Variants in TTC21A observed in about 807,000 individuals in gnomAD.
TTC21A encodes tetratricopeptide repeat domain 21A.
Under a neutral mutation model 156.4 loss-of-function variants are expected in TTC21A, and 128 were observed. That is an observed-to-expected ratio of 0.82 (90% CI 0.71 to 0.95). The LOEUF (loss-of-function observed/expected upper bound fraction) is 0.95. TTC21A is among the 40% of genes least tolerant of loss of function. TTC21A has a pLI of 0.00. For synonymous variants in TTC21A, 587 were observed against 617.1 expected (o/e 0.95, Z 0.72); for missense variants, 1,435 against 1,602.3 (o/e 0.90, Z 1.78).
In TTC21A at chr3:39,137,454, G is replaced by A. The variant is rs370252643; in HGVS notation, c.3451-32G>A. The A allele has an allele frequency of 1.3e-4, 215 of 1,612,408 alleles. 1 individual carries two copies. In the South Asian group the frequency reaches 1.8e-3, roughly 14 times the overall value. On this transcript the variant is annotated intron_variant, in intron 25 of 28. Coordinates refer to ENST00000683103, the MANE Select transcript of TTC21A (RefSeq NM_001366900.1). Reference sequence around the variant, plus strand: ...GCCGAGAAGACCAGGCGGCCAACACGTGCTGACGTCCACTTCCTACCTGGT... The same window carrying A: ...GCCGAGAAGACCAGGCGGCCAACACATGCTGACGTCCACTTCCTACCTGGT...
chr3:39,136,648 G>T (rs1011701545), intron 23 of TTC21A, 141 bp downstream of exon 23: 1 of 1,161,720 alleles, frequency 8.6e-7, no homozygotes, highest in Non-Finnish European at 1.2e-6. Flanking sequence ...GCCCATGGGG[G>T]CAGGGGTGGA....
chr3:39,121,813 G>A (rs1189414278), intron 9 of TTC21A, among the ~76,000 whole-genome samples: 1 of 152,154 alleles, frequency 6.6e-6, no homozygotes, highest in East Asian at 1.9e-4. Flanking sequence ...GCTCAAGGCA[G>A]GCCGACTCTT....
chr3:39,123,616 G>A (rs1479175787), intron 9 of TTC21A, among the ~76,000 whole-genome samples: 1 of 152,064 alleles, frequency 6.6e-6, no homozygotes, highest in African/African-American at 2.4e-5. Flanking sequence ...GGGTTTCCCT[G>A]GGGATTCTAA....
rs562348984 is a variant in TTC21A, at chr3:39,126,250, T to C, written c.1393-11T>C. ...AAACCTACTCCCACCTCCACCGCCGTGTTCCCACAGCCCAGGTTACCAGGC... is the reference window on the plus strand; with the variant it reads ...AAACCTACTCCCACCTCCACCGCCGCGTTCCCACAGCCCAGGTTACCAGGC... On this transcript the variant is annotated splice_polypyrimidine_tract_variant and intron_variant, in intron 11 of 28. Transcript: ENST00000683103. 5.6e-6 allele frequency: 9 copies of C among 1,614,064 alleles called. No homozygotes were observed. In the East Asian group the frequency reaches 1.3e-4, roughly 24 times the overall value.
chr3:39,118,352 C>T, intron 7 of TTC21A, 199 bp downstream of exon 7: 2 of 604,978 alleles, frequency 3.3e-6, no homozygotes, highest in South Asian at 2.0e-5. Flanking sequence ...GGGAGTCAGG[C>T]AGCATCAGGC....
At position 39,134,092 on chromosome 3, in the gene TTC21A, A is replaced by C; in HGVS notation, c.2752-126A>C. 1 of 713,692 alleles carries C rather than the reference A, an allele frequency of 1.4e-6. No individual in the cohort carries two copies. 44.2% of individuals were successfully genotyped at this position (713,692 alleles called of 1,614,324 possible). ...GAAGGCCAGGACGTTCACGTGGGGA[A>C]TTCGAGACATATTTTGAAGGCAGAG... On this transcript the variant is annotated intron_variant, in intron 20 of 28. Transcript: ENST00000683103. This position sits in a 1 kb window ranked among gnomAD's most constrained non-coding sequence, Gnocchi z 4.6.
At chr3:39,133,688 T>C (rs747929622) in intron 20 of TTC21A, among the ~76,000 whole-genome samples, 26 of 152,194 alleles carry the variant, frequency 1.7e-4, no homozygotes, top group Non-Finnish European at 2.6e-4. Flanking sequence ...ACACAGTAGA[T>C]GAAGAGCTTA....
In TTC21A at chr3:39,129,208, A is replaced by C. The variant is rs1201848483; in HGVS notation, c.2033A>C (p.Asn678Thr). ...GACGTGGCGCTGAACATGCTAAGGA[A>C]CATCTTGCCCAAGCAGTCCTGCTAT... ...NVDVALNMLR[N>T]ILPKQSCYME... Residue 678 changes from asparagine to threonine, a missense_variant, in exon 15 of 29, where the codon AAC (asparagine) becomes ACC (threonine). By Grantham distance (65) the Asn-to-Thr change is moderately conservative. Coordinates refer to ENST00000683103, the MANE Select transcript of TTC21A (RefSeq NM_001366900.1). 15 of 1,614,082 alleles carry C rather than the reference A, an allele frequency of 9.3e-6. No individual in the cohort carries two copies. In the African/African-American group the frequency reaches 1.6e-4, roughly 17 times the overall value.
chr3:39,124,574 G>A (rs1440582033), intron 9 of TTC21A, among the ~76,000 whole-genome samples: 6 of 151,240 alleles, frequency 4.0e-5, no homozygotes, highest in Non-Finnish European at 5.9e-5. Context: ...CAGGAGAATT[G>A]CTTGAACCTG....
chr3:39,121,233 C>G, intron 9 of TTC21A, 44 bp downstream of exon 9: 2 of 1,556,608 alleles, frequency 1.3e-6, no homozygotes, highest in Non-Finnish European at 1.7e-6. Flanking sequence ...TGTCGGGAGC[C>G]AAACCGGGCA....
In TTC21A at chr3:39,133,116, C is replaced by T. The variant is rs1347049313; in HGVS notation, c.2627C>T (p.Ser876Phe). The T allele has an allele frequency of 1.9e-6, 3 of 1,614,226 alleles. No individual in the cohort carries two copies. Among genetic ancestry groups the T allele is most frequent in the Non-Finnish European group, 2.5e-6 (3 of 1,180,040 alleles). Residue 876 changes from serine (S) to phenylalanine (F), a missense_variant, in exon 20 of 29, where the codon TCC becomes TTC. Physicochemically the swap from Ser to Phe is radical, Grantham distance 155. Transcript: ENST00000683103. ...VPLEQPEMIPSQKQLAASICI... is the reference protein window; with the variant it reads ...VPLEQPEMIPFQKQLAASICI... ...CTGGAGCAACCAGAAATGATTCCCT[C>T]CCAGAAGCAACTGGCAGCCTCTATC...
intron 26 of TTC21A, 98 bp downstream of exon 26, chr3:39,137,808 A>C: frequency 1.5e-6 from 2 of 1,295,352 alleles, no homozygotes; most frequent in Non-Finnish European, 2.1e-6. Flanking sequence ...GGCCATATGG[A>C]ATAAGAACTA....
At chr3:39,121,238 C>T (rs533681271) in intron 9 of TTC21A, 49 bp downstream of exon 9, 30 of 1,543,068 alleles carry the variant, frequency 1.9e-5, no homozygotes, top group East Asian at 6.8e-5. Context: ...GGAGCCAAAC[C>T]GGGCAGCTTC....
chr3:39,114,504 G>A lies in TTC21A; in HGVS notation c.559-81G>A. ...CAGGTTCTGTTCCTGTTTTCATGGA[G>A]ACACAGAGACAACCCCCCTCCAGCA... On this transcript the variant is annotated intron_variant, in intron 5 of 28. Transcript: ENST00000683103. 3 of 1,402,530 alleles carry A rather than the reference G, an allele frequency of 2.1e-6. No homozygotes were observed. In the South Asian group the frequency reaches 3.6e-5, roughly 17 times the overall value. The allele number at this position is 1,402,530 out of a possible 1,614,324, so 86.9% of individuals were successfully genotyped here.
At chr3:39,114,775 G>A (rs1212435151) in intron 6 of TTC21A, 33 bp downstream of exon 6, 1 of 1,612,806 alleles carries the variant, frequency 6.2e-7, no homozygotes, top group Admixed American at 1.7e-5. Context: ...AGCCAAGGGT[G>A]GTAACAGGTA....
rs35934336 is a variant in TTC21A, at chr3:39,136,946, G to A, written c.3143G>A (p.Arg1048His). 18 of 1,614,220 alleles carry A rather than the reference G, an allele frequency of 1.1e-5. No individual in the cohort carries two copies. The highest frequency in any genetic ancestry group is 2.7e-5 in the African/African-American group (2 of 75,068). ...GCCTTAAAGTTCCTGAACAAGGCACGCAAGGACAGCACTTGGGGCCAGAGC... is the reference window on the plus strand; with the variant it reads ...GCCTTAAAGTTCCTGAACAAGGCACACAAGGACAGCACTTGGGGCCAGAGC... The part of the protein sequence containing the change: ...NEALKFLNKA[R>H]KDSTWGQSAI... Residue 1048 changes from arginine to histidine, a missense_variant, in exon 24 of 29, where the codon CGC (arginine) becomes CAC (histidine). Physicochemically the swap from Arg to His is conservative, Grantham distance 29. Coordinates refer to ENST00000683103, the MANE Select transcript of TTC21A (RefSeq NM_001366900.1).
rs1172644375 is a variant in TTC21A at position 39,110,965 on chromosome 3, A to C, written c.383A>C (p.Lys128Thr). 1.9e-6 allele frequency: 3 copies of C among 1,613,856 alleles called. No homozygotes were observed. The African/African-American group carries it at 4.0e-5, about 22-fold the overall frequency. Residue 128 changes from lysine to threonine, a missense_variant, in exon 4 of 29, where the codon AAG becomes ACG. By Grantham distance (78) the Lys-to-Thr change is moderately conservative. Coordinates refer to ENST00000683103, the MANE Select transcript of TTC21A (RefSeq NM_001366900.1). ...LFLWLIGRHD[K>T]AKEYIDRMLK... ...CTCTGGCTCATAGGCCGCCATGACAAGGCCAAAGAGTACATTGACCGCATG... is the reference window on the plus strand; with the variant it reads ...CTCTGGCTCATAGGCCGCCATGACACGGCCAAAGAGTACATTGACCGCATG...
chr3:39,133,350 G>A, intron 20 of TTC21A, 110 bp downstream of exon 20: 1 of 1,145,040 alleles, frequency 8.7e-7, no homozygotes, highest in Non-Finnish European at 1.2e-6. Context: ...TCCCTGAGGA[G>A]TCACAGATAT....
At chr3:39,120,581 T>G (rs566203189) in intron 8 of TTC21A, among the ~76,000 whole-genome samples, 43 of 152,222 alleles carry the variant, frequency 2.8e-4, no homozygotes, top group African/African-American at 1.0e-3. Context: ...AACTGTGGAG[T>G]TGCATAGGCA....
Sources: gnomAD v4.1 joint callset for allele counts (sites outside exome capture counted in the v4.1 genomes callset) on GRCh38, gnomAD v4.1.1 for gene constraint, Gnocchi (gnomAD v3.1) non-coding constraint, MANE v1.5 for transcripts, NCBI Gene and HGNC (gene_info 2026-07-23, HGNC 2026-07-21) for gene names.